The following HPSE2 variants were observed in gnomAD, a reference collection of about 807,000 sequenced individuals.
HPSE2 encodes the protein inactive heparanase-2.
HPSE2 carries 38 observed loss-of-function variants against 60.5 expected under a neutral mutation model. That is an observed-to-expected ratio of 0.63 (90% CI 0.48 to 0.82). The LOEUF is 0.82. Among genes scored for constraint, HPSE2 ranks in the 40% least tolerant of loss-of-function variants. The pLI, the probability that HPSE2 is intolerant of heterozygous loss-of-function variation, is 0.00. For synonymous variants in HPSE2, 295 were observed against 293.2 expected (o/e 1.01, Z -0.06); for missense variants, 713 against 740.4 (o/e 0.96, Z 0.43).
intron 1 of HPSE2, among the ~76,000 whole-genome samples, chr10:99,235,101 T>TACACACAC (rs10630273): frequency 0.047 from 6,908 of 147,554 alleles, 180 homozygotes; most frequent in Non-Finnish European, 0.059. Context: ...CTGTCTCACA[T>TACACACAC]ACACACACAC....
At chr10:99,083,027 C>G (rs183115487) in intron 3 of HPSE2, among the ~76,000 whole-genome samples, 4 of 152,186 alleles carry the variant, frequency 2.6e-5, no homozygotes, top group Admixed American at 2.6e-4. Flanking sequence ...GCCTCTACAA[C>G]TAAAACAAGA....
the HPSE2 span, among the ~76,000 whole-genome samples, chr10:99,243,078 G>A: frequency 6.6e-6 from 1 of 152,126 alleles, no homozygotes; most frequent in Non-Finnish European, 1.5e-5. Flanking sequence ...TTAAGTCCGG[G>A]CACAGTGGCT....
At chr10:98,526,764 C>T (rs567710754) in intron 9 of HPSE2, among the ~76,000 whole-genome samples, 147 of 152,234 alleles carry the variant, frequency 9.7e-4, no homozygotes, top group African/African-American at 3.2e-3. Context: ...TGGAGAAGGA[C>T]TGGTTTTGTG....
At chr10:99,023,247 G>A (rs1564744642) in intron 3 of HPSE2, among the ~76,000 whole-genome samples, 2 of 152,124 alleles carry the variant, frequency 1.3e-5, no homozygotes, top group Admixed American at 6.5e-5. Flanking sequence ...TGGCTATGGG[G>A]TGAGGCTCCT....
chr10:99,196,764 C>T (rs1321376910), intron 2 of HPSE2, among the ~76,000 whole-genome samples: 1 of 151,972 alleles, frequency 6.6e-6, no homozygotes, highest in African/African-American at 2.4e-5. Context: ...ATTGCTGGTG[C>T]TGGTGCAAAT....
At position 98,987,164 on chromosome 10, in the gene HPSE2, A is replaced by T. The variant is rs904313778; in HGVS notation, c.610+157074T>A. On this transcript the variant is annotated intron_variant, in intron 3 of 11. Transcript: ENST00000370552. ...TTTATGAGGCCAGCATCATCCTGAT[A>T]CCAAAGCCTGGCAGAGAGACAACAA... Among the ~76,000 whole-genome samples the T allele has an allele frequency of 8.5e-5, 13 of 152,260 alleles. No homozygotes were observed. In the East Asian group the frequency reaches 1.2e-3, roughly 14 times the overall value.
intron 6 of HPSE2, 110 bp downstream of exon 6, chr10:98,693,790 G>A: frequency 1.1e-6 from 1 of 930,262 alleles, no homozygotes; most frequent in Admixed American, 1.7e-5. Context: ...TTTTTTCCTG[G>A]AGGATGAAGG....
At chr10:98,736,651 C>A (rs1385482313) in intron 4 of HPSE2, among the ~76,000 whole-genome samples, 1 of 152,160 alleles carries the variant, frequency 6.6e-6, no homozygotes, top group Non-Finnish European at 1.5e-5. Context: ...TGATTCAGTT[C>A]TTCACTTCTT....
rs139556547 is a variant in HPSE2, at chr10:98,912,806, G to A, written c.611-168750C>T. ...GAAGAATAGTAGCCGGGGCAGTGAG[G>A]AGGTGGGGATGGTTAATGGGTACAA... On this transcript the variant is annotated intron_variant, in intron 3 of 11. Coordinates refer to ENST00000370552, the MANE Select transcript of HPSE2 (RefSeq NM_021828.5). 1.2e-3 allele frequency among the ~76,000 whole-genome samples: 181 copies of A among 152,238 alleles called. 1 individual carries two copies. The highest frequency in any genetic ancestry group is 0.01 in the Middle Eastern group (3 of 294).
At chr10:98,877,677 A>G (rs575828405) in intron 3 of HPSE2, among the ~76,000 whole-genome samples, 1 of 152,078 alleles carries the variant, frequency 6.6e-6, no homozygotes, top group South Asian at 2.1e-4. Context: ...ATAAACTGAT[A>G]AAGAATCGAT....
chr10:98,792,699 T>C (rs10883202), intron 3 of HPSE2, among the ~76,000 whole-genome samples: 32,050 of 148,494 alleles, frequency 0.22, 3,604 homozygotes, highest in African/African-American at 0.27. Context: ...GGGGTCAGAG[T>C]GGTGGTTGTT....
upstream of HPSE2, among the ~76,000 whole-genome samples, chr10:99,240,436 A>G (rs1275581382): frequency 7.0e-5 from 10 of 143,304 alleles, no homozygotes; most frequent in East Asian, 1.6e-3. Flanking sequence ...TTCGAGACAG[A>G]GTCTCACTCT....
the HPSE2 span, among the ~76,000 whole-genome samples, chr10:99,310,133 T>C: frequency 1.6e-4 from 24 of 152,330 alleles, no homozygotes; most frequent in African/African-American, 5.5e-4. Flanking sequence ...ACCAGCTCCT[T>C]CTTATAAGAA....
chr10:98,644,847 G>C (rs1249026187), intron 6 of HPSE2, among the ~76,000 whole-genome samples: 1 of 152,152 alleles, frequency 6.6e-6, no homozygotes, highest in Admixed American at 6.5e-5. Flanking sequence ...CTTGTCCCCA[G>C]TTTTACCCTT....
At chr10:99,236,215 A>G (rs947473912), upstream of HPSE2, among the ~76,000 whole-genome samples, 2 of 151,136 alleles carry the variant, frequency 1.3e-5, no homozygotes, top group African/African-American at 4.9e-5. Flanking sequence ...GTGGCGTTGT[A>G]CCCTCCTAAT....
intron 7 of HPSE2, among the ~76,000 whole-genome samples, chr10:98,639,012 C>T (rs942014026): frequency 2.0e-5 from 3 of 152,270 alleles, no homozygotes; most frequent in East Asian, 1.9e-4. Flanking sequence ...TTGCCACTCC[C>T]GCATTGAAAG....
chr10:98,603,989 A>G (rs1945506652), intron 9 of HPSE2, among the ~76,000 whole-genome samples: 1 of 152,190 alleles, frequency 6.6e-6, no homozygotes, highest in Non-Finnish European at 1.5e-5. Context: ...AAAAAGTCTG[A>G]GACCTAATCA....
At chr10:99,308,230 A>C in the HPSE2 span, among the ~76,000 whole-genome samples, 2 of 151,696 alleles carry the variant, frequency 1.3e-5, no homozygotes, top group African/African-American at 2.4e-5. Context: ...TCTACTAAAA[A>C]TACAAAAATT....
intron 3 of HPSE2, among the ~76,000 whole-genome samples, chr10:98,855,525 C>A (rs1416516046): frequency 1.3e-5 from 2 of 151,948 alleles, no homozygotes; most frequent in Non-Finnish European, 2.9e-5. Flanking sequence ...GGAAATATAC[C>A]CTATGACTCT....
Sources: gnomAD v4.1 joint callset for allele counts (sites outside exome capture counted in the v4.1 genomes callset) on GRCh38, gnomAD v4.1.1 for gene constraint, MANE v1.5 for transcripts, NCBI Gene and HGNC (gene_info 2026-07-23, HGNC 2026-07-21) for gene names.